The following ADGRL4 variants were observed in gnomAD, a reference collection of about 807,000 sequenced individuals.
ADGRL4 encodes the protein adhesion G protein-coupled receptor L4, also known as EGF, latrophilin and seven transmembrane domain containing 1.
Under a neutral mutation model 74.8 loss-of-function variants are expected in ADGRL4, and 90 were observed. The ratio of observed to expected loss-of-function variants is 1.20; its 90% CI spans 1.02 to 1.43. The LOEUF is 1.43. Ranked by LOEUF, ADGRL4 falls within the 40% of genes most tolerant of loss-of-function variation. The probability of loss-of-function intolerance (pLI) is 0.00; values close to 1 mark genes in which losing one functional copy is unlikely to be tolerated. For missense variants in ADGRL4, 881 were observed against 814.3 expected (o/e 1.08, Z -1.00); for synonymous variants, 311 against 279.2 (o/e 1.11, Z -1.14).
At position 78,950,480 on chromosome 1, in the gene ADGRL4, T is replaced by A. The variant is rs575222393; in HGVS notation, c.173-4054A>T. Among the ~76,000 whole-genome samples, 257 of 152,236 alleles carry A rather than the reference T, an allele frequency of 1.7e-3. 2 individuals are homozygous for A. The highest frequency in any genetic ancestry group is 0.01 in the Middle Eastern group (3 of 294). ...TGGATAAATATGATCGGATTTGAGT[T>A]TCAAAACATGTTTTCAAGGATAAAG... On this transcript the variant is annotated intron_variant, in intron 2 of 14. Coordinates refer to ENST00000370742, the MANE Select transcript of ADGRL4 (RefSeq NM_022159.4).
rs186333884 is a variant in ADGRL4 at position 78,921,127 on chromosome 1, A to T, written c.1257+486T>A. The stretch of plus-strand genomic sequence containing the variant: ...ACAAAAGTAAGATAAATGTCATGAA[A>T]CTATTCACCTTAGAGAGATTCTTCA... On this transcript the variant is annotated intron_variant, in intron 9 of 14. Coordinates refer to ENST00000370742, the MANE Select transcript of ADGRL4 (RefSeq NM_022159.4). Among the ~76,000 whole-genome samples the T allele has an allele frequency of 2.0e-5, 3 of 151,918 alleles. No individual in the cohort carries two copies. The East Asian group carries it at 5.8e-4, about 30-fold the overall frequency.
intron 2 of ADGRL4, among the ~76,000 whole-genome samples, chr1:78,961,802 A>G (rs958911727): frequency 6.6e-6 from 1 of 151,962 alleles, no homozygotes; most frequent in African/African-American, 2.4e-5. Context: ...AACCTTTGTT[A>G]CCTTCTCTGT....
At chr1:78,986,633 T>G (rs1241055692) in intron 2 of ADGRL4, among the ~76,000 whole-genome samples, 1 of 151,398 alleles carries the variant, frequency 6.6e-6, no homozygotes, top group African/African-American at 2.4e-5. Flanking sequence ...AATAAATATT[T>G]TAAAAATTAA....
At position 78,905,564 on chromosome 1, in the gene ADGRL4, A is replaced by G. The variant is rs528675608; in HGVS notation, c.1749+12070T>C. ...CATACCATTAAAGCAGAGAATACAA[A>G]AACAAACAAATGAGTGTGGCTGTAT... On this transcript the variant is annotated intron_variant, in intron 12 of 14. Coordinates refer to ENST00000370742, the MANE Select transcript of ADGRL4 (RefSeq NM_022159.4). Among the ~76,000 whole-genome samples the G allele has an allele frequency of 1.6e-4, 25 of 152,128 alleles. No individual in the cohort carries two copies. The South Asian group carries it at 4.6e-3, about 28-fold the overall frequency.
intron 12 of ADGRL4, among the ~76,000 whole-genome samples, chr1:78,896,513 T>C (rs952015293): frequency 3.9e-5 from 6 of 152,140 alleles, no homozygotes; most frequent in African/African-American, 1.4e-4. Flanking sequence ...TCTTCTAAGT[T>C]ATCAGTCAGT....
At position 78,892,711 on chromosome 1, in the gene ADGRL4, A is replaced by G. The variant is rs186480101; in HGVS notation, c.1841+387T>C. Among the ~76,000 whole-genome samples the G allele has an allele frequency of 2.0e-5, 3 of 152,222 alleles. No homozygotes were observed. The East Asian group carries it at 5.8e-4, about 29-fold the overall frequency. Reference sequence around the variant, plus strand: ...AACAAATCATTTTCAAGGTTTCAATAAATCAGTTTTAAAGCGGGAGGGTGG... The same window carrying G: ...AACAAATCATTTTCAAGGTTTCAATGAATCAGTTTTAAAGCGGGAGGGTGG... On this transcript the variant is annotated intron_variant, in intron 13 of 14. Transcript: ENST00000370742.
intron 3 of ADGRL4, among the ~76,000 whole-genome samples, chr1:78,942,259 G>C (rs1419159286): frequency 1.3e-5 from 2 of 151,816 alleles, no homozygotes; most frequent in Middle Eastern, 3.4e-3. Flanking sequence ...GTATGGGAAG[G>C]TGGAATAGTG....
chr1:78,946,074 C>T (rs879552280), intron 3 of ADGRL4, among the ~76,000 whole-genome samples, 200 bp downstream of exon 3: 1 of 151,740 alleles, frequency 6.6e-6, no homozygotes, highest in Non-Finnish European at 1.5e-5. Context: ...AAAATTAAAC[C>T]TTCTTCCTGT....
chr1:78,894,497 G>A (rs1156472001), intron 12 of ADGRL4, among the ~76,000 whole-genome samples: 2 of 151,544 alleles, frequency 1.3e-5, no homozygotes, highest in Non-Finnish European at 3.0e-5. Flanking sequence ...CATCCTCTTT[G>A]TATGCTCAAA....
At chr1:78,974,881 A>C (rs1179748815) in intron 2 of ADGRL4, among the ~76,000 whole-genome samples, 1 of 152,182 alleles carries the variant, frequency 6.6e-6, no homozygotes, top group African/African-American at 2.4e-5. Flanking sequence ...TTTTGAGGTC[A>C]CATAGTTAGC....
At chr1:79,006,556 C>A (rs1570285308) in intron 1 of ADGRL4, 77 bp downstream of exon 1, 2 of 1,498,000 alleles carry the variant, frequency 1.3e-6, no homozygotes, top group East Asian at 5.3e-5. Context: ...GTGAGCTCCA[C>A]CTCTTAAAAA....
intron 12 of ADGRL4, among the ~76,000 whole-genome samples, chr1:78,900,446 G>C (rs919956399): frequency 2.0e-5 from 3 of 152,120 alleles, no homozygotes; most frequent in Non-Finnish European, 4.4e-5. Flanking sequence ...AGCAGCAATA[G>C]AAATCTAATA....
At chr1:78,978,527 C>T (rs368970753) in intron 2 of ADGRL4, among the ~76,000 whole-genome samples, 93 of 151,854 alleles carry the variant, frequency 6.1e-4, no homozygotes, top group African/African-American at 2.1e-3. Flanking sequence ...TGCCAGGTTT[C>T]CTGTTTATAT....
chr1:78,946,397 A>T lies in ADGRL4; in HGVS notation c.202T>A (p.Ser68Thr). The change falls in exon 3 of 15, where the codon TCC becomes ACC. Residue 68 changes from serine (S) to threonine (T), a missense_variant. Coordinates refer to ENST00000370742, the MANE Select transcript of ADGRL4 (RefSeq NM_022159.4). The stretch of plus-strand genomic sequence containing the variant: ...GTGCAATTAGCATTTTCGCCACAGG[A>T]CTGAGTTAAATTTCCACATTCATTA... ...DDNECGNLTQ[S>T]CGENANCTNT... is the part of the protein sequence containing the mutation. 1.2e-6 allele frequency: 2 copies of T among 1,612,092 alleles called. No individual in the cohort carries two copies. Among genetic ancestry groups the T allele is most frequent in the East Asian group, 4.5e-5 (2 of 44,722 alleles).
chr1:78,891,325 C>T (rs1648268242), intron 14 of ADGRL4, 109 bp from the exon 15 acceptor site: 2 of 1,290,722 alleles, frequency 1.5e-6, no homozygotes, highest in East Asian at 2.5e-5. Context: ...AGTATTATAG[C>T]TCAGAATATG....
chr1:78,889,907 C>T lies in ADGRL4; in HGVS notation c.*1247G>A. 1 of 441,496 alleles carries T rather than the reference C, an allele frequency of 2.3e-6. No homozygotes were observed. Among genetic ancestry groups the T allele is most frequent in the Non-Finnish European group, 4.7e-6 (1 of 213,844 alleles). The allele number at this position is 441,496 out of a possible 1,614,324, so 27.3% of individuals were successfully genotyped here. ...AAGAAAAATTACCTATTTTTGAGATCAAAATCACTGCTTATACATTTTAAT... is the reference window on the plus strand; with the variant it reads ...AAGAAAAATTACCTATTTTTGAGATTAAAATCACTGCTTATACATTTTAAT... On this transcript the variant is annotated 3_prime_UTR_variant, in exon 15 of 15. Transcript: ENST00000370742.
chr1:78,998,883 G>A (rs572403831), intron 2 of ADGRL4, among the ~76,000 whole-genome samples: 4 of 152,206 alleles, frequency 2.6e-5, no homozygotes, highest in African/African-American at 9.6e-5. Context: ...ATAAATTGGG[G>A]ATAACACCAG....
intron 12 of ADGRL4, among the ~76,000 whole-genome samples, chr1:78,900,431 G>T (rs1014157236): frequency 6.6e-6 from 1 of 152,088 alleles, no homozygotes; most frequent in Non-Finnish European, 1.5e-5. Flanking sequence ...GTGGTAATTC[G>T]TTATAGCAGC....
intron 2 of ADGRL4, among the ~76,000 whole-genome samples, chr1:78,955,614 G>A (rs1377252304): frequency 6.6e-6 from 1 of 151,834 alleles, no homozygotes; most frequent in Non-Finnish European, 1.5e-5. Context: ...TGTAAAATGT[G>A]AAGTTGAAAT....
Sources: allele counts gnomAD v4.1 joint callset (sites outside exome capture counted in the v4.1 genomes callset), GRCh38; gene constraint gnomAD v4.1.1; transcripts MANE v1.5; gene names NCBI Gene and HGNC (gene_info 2026-07-23, HGNC 2026-07-21).